The following STK10 variants were observed in gnomAD, a reference collection of about 807,000 sequenced individuals.
STK10 encodes serine/threonine kinase 10.
STK10 carries 78 observed loss-of-function variants against 113.8 expected under a neutral mutation model. The observed-to-expected ratio is 0.69, with a 90% CI of 0.57 to 0.83. STK10 has a LOEUF of 0.83. Ranked by LOEUF, STK10 falls within the 40% of genes least tolerant of loss-of-function variation. STK10 has a pLI of 0.00. For synonymous variants in STK10, 465 were observed against 494.7 expected, an observed-to-expected ratio of 0.94 and a Z score of 0.80; for missense variants, 1,109 against 1,280.1, an observed-to-expected ratio of 0.87 and a Z score of 2.04.
chr5:172,177,690 T>C (rs1293516581), intron 1 of STK10, among the ~76,000 whole-genome samples: 2 of 152,246 alleles, frequency 1.3e-5, no homozygotes, highest in Non-Finnish European at 2.9e-5. Flanking sequence ...AAATATACCA[T>C]TAAAATTCAT....
chr5:172,112,166 T>C (rs1382413891), intron 4 of STK10, among the ~76,000 whole-genome samples: 1 of 152,210 alleles, frequency 6.6e-6, no homozygotes. Context: ...TTAATACATG[T>C]CCCAAACATG....
intron 2 of STK10, among the ~76,000 whole-genome samples, chr5:172,137,785 C>T (rs1007951120): frequency 4.1e-5 from 6 of 145,848 alleles, no homozygotes; most frequent in East Asian, 2.1e-4. Context: ...CCCAGCTACT[C>T]GGGAGGCTGA....
At chr5:172,181,650 G>C (rs779934506) in intron 1 of STK10, among the ~76,000 whole-genome samples, 2 of 150,512 alleles carry the variant, frequency 1.3e-5, no homozygotes, top group Non-Finnish European at 3.0e-5. Flanking sequence ...TGCCAGGCTA[G>C]TTTTTGTATT....
intron 10 of STK10, among the ~76,000 whole-genome samples, chr5:172,083,804 AG>A (rs1473002637): frequency 9.2e-5 from 14 of 151,846 alleles, no homozygotes; most frequent in African/African-American, 3.4e-4. Context: ...GCTACTCAGG[AG>A]GCTGAGGCAG....
chr5:172,141,018 G>A lies in STK10; in HGVS notation c.322-13597C>T, dbSNP rs116397011. 3.0e-3 allele frequency among the ~76,000 whole-genome samples: 455 copies of A among 152,268 alleles called. 3 individuals carry two copies. The highest frequency in any genetic ancestry group is 0.011 in the African/African-American group (438 of 41,568). On this transcript the variant is annotated intron_variant, in intron 2 of 18. Coordinates refer to ENST00000176763, the MANE Select transcript of STK10 (RefSeq NM_005990.4). ...ACATGGAATAAGCCAGTCACGGAAA[G>A]GCAAGTACTGCAGATTCCACTTAAA...
intron 9 of STK10, among the ~76,000 whole-genome samples, chr5:172,091,488 G>A (rs966679952): frequency 2.2e-4 from 34 of 151,128 alleles, no homozygotes; most frequent in Admixed American, 9.2e-4. Flanking sequence ...TAACCCTCCC[G>A]CTCTGCCCAC....
At chr5:172,073,793 CAA>C (rs60492751) in intron 12 of STK10, among the ~76,000 whole-genome samples, 15 of 58,438 alleles carry the variant, frequency 2.6e-4, no homozygotes, top group Non-Finnish European at 3.3e-4. Context: ...CTAAAAATAG[CAA>C]AAAAAAAAAA....
At chr5:172,071,212 CAAAAAAAAAAA>C (rs369407918) in intron 12 of STK10, among the ~76,000 whole-genome samples, 6 of 26,578 alleles carry the variant, frequency 2.3e-4, no homozygotes, top group African/African-American at 3.1e-4. Flanking sequence ...CTCTCTATCT[CAAAAAAAAAAA>C]AAAAAAAAAA....
intron 14 of STK10, 106 bp from the exon 15 acceptor site, chr5:172,057,579 CA>C: frequency 6.8e-7 from 1 of 1,468,968 alleles, no homozygotes; most frequent in Non-Finnish European, 9.1e-7. Context: ...AGATGATAAC[CA>C]ACCTGCTGGG....
At chr5:172,045,582 C>T (rs1159249779) in intron 18 of STK10, 1 of 371,016 alleles carries the variant, frequency 2.7e-6, no homozygotes, top group Non-Finnish European at 5.3e-6. Context: ...GCCTTCTGTA[C>T]TGTACAAACT....
intron 2 of STK10, among the ~76,000 whole-genome samples, chr5:172,137,813 A>G (rs1409406108): frequency 6.6e-6 from 1 of 150,400 alleles, no homozygotes; most frequent in Non-Finnish European, 1.5e-5. Flanking sequence ...GAATGGCATG[A>G]ACCTGGAGGC....
intron 13 of STK10, chr5:172,064,393 G>A (rs995756296): frequency 3.0e-5 from 10 of 336,704 alleles, no homozygotes; most frequent in African/African-American, 2.1e-4. Flanking sequence ...AGTGGGCAGG[G>A]GAATATACTG....
chr5:172,093,462 G>A lies in STK10; in HGVS notation c.1504C>T (p.Leu502Phe), dbSNP rs745894502. Residue 502 changes from leucine (L) to phenylalanine (F), a missense_variant, in exon 9 of 19, where the codon CTC becomes TTC. By Grantham distance (22) the Leu-to-Phe change is conservative (BLOSUM62 0). This residue lies in a region of STK10 where 885 missense variants were observed against 991.1 expected (regional missense o/e 0.89). Coordinates refer to ENST00000176763, the MANE Select transcript of STK10 (RefSeq NM_005990.4). The surrounding 1 kb of genome is among the most constrained non-coding windows in gnomAD (Gnocchi z 4.1). ...TTGTTCAGCGACAGGTCAGTGGAGA[G>A]ATTGGTACCATAGTCCATGCTCTCA... Reference protein sequence around the residue: ...TSESMDYGTNLSTDLSLNKEM... With the variant: ...TSESMDYGTNFSTDLSLNKEM... The A allele has an allele frequency of 2.1e-5, 34 of 1,613,884 alleles. No homozygotes were observed. The highest frequency in any genetic ancestry group is 2.6e-5 in the Non-Finnish European group (31 of 1,179,886).
intron 12 of STK10, among the ~76,000 whole-genome samples, chr5:172,073,860 G>A (rs186569626): frequency 1.1e-3 from 170 of 150,818 alleles, no homozygotes; most frequent in Non-Finnish European, 2.3e-3. Context: ...AGCTACCTGG[G>A]AGGCTGAGGC....
chr5:172,044,654 T>G lies in STK10; in HGVS notation c.*228A>C. ...ATCTGGGGCTCAAGGAGAATATACATTAGGTTCAGGTGACAAATAATTACA... is the reference window on the plus strand; with the variant it reads ...ATCTGGGGCTCAAGGAGAATATACAGTAGGTTCAGGTGACAAATAATTACA... On this transcript the variant is annotated 3_prime_UTR_variant, in exon 19 of 19. Transcript: ENST00000176763. This position sits in a 1 kb window ranked among gnomAD's most constrained non-coding sequence, Gnocchi z 4.5. 2 of 622,852 alleles carry G rather than the reference T, an allele frequency of 3.2e-6. No individual in the cohort carries two copies. The highest frequency in any genetic ancestry group is 5.5e-6 in the Non-Finnish European group (2 of 361,678). 38.6% of individuals were successfully genotyped at this position (622,852 alleles called of 1,614,324 possible).
rs892175469 is a variant in STK10, at chr5:172,096,830, C to T, written c.871-270G>A. ...AGGCTCCTCATCTCTCAAGTGGACA[C>T]GTTAACAATGAACCCACAGGGAGGT... On this transcript the variant is annotated intron_variant, in intron 7 of 18. Coordinates refer to ENST00000176763, the MANE Select transcript of STK10 (RefSeq NM_005990.4). Among the ~76,000 whole-genome samples the T allele has an allele frequency of 5.9e-5, 9 of 152,278 alleles. No homozygotes were observed. The South Asian group carries it at 8.3e-4, about 14-fold the overall frequency.
In STK10 at chr5:172,093,506, C is replaced by T. The variant is rs772924447; in HGVS notation, c.1460G>A (p.Cys487Tyr). 6.2e-7 allele frequency: 1 copy of T among 1,614,122 alleles called. No homozygotes were observed. Among genetic ancestry groups the T allele is most frequent in the Admixed American group, 1.7e-5 (1 of 60,016 alleles). The change falls in exon 9 of 19, where the codon TGC becomes TAC. Residue 487 changes from cysteine (C) to tyrosine (Y), a missense_variant. Physicochemically the swap from Cys to Tyr is radical, Grantham distance 194. Coordinates refer to ENST00000176763, the MANE Select transcript of STK10 (RefSeq NM_005990.4). This position sits in a 1 kb window ranked among gnomAD's most constrained non-coding sequence, Gnocchi z 4.1. ...GCTCTCAGAGGTGCAGAGGCTGCTG[C>T]AGTCCGAGTCCCTCTTGGAAGGCCC... ...APGPSKRDSD[C>Y]SSLCTSESMD...
chr5:172,065,147 A>C (rs1035255620), intron 12 of STK10, among the ~76,000 whole-genome samples: 1 of 152,238 alleles, frequency 6.6e-6, no homozygotes, highest in African/African-American at 2.4e-5. Flanking sequence ...CAGTCCCTAC[A>C]GAAGTTCTTT....
In STK10 at chr5:172,188,109, G is replaced by A. The variant is rs979175584; in HGVS notation, c.-67C>T. 1 of 1,555,322 alleles carries A rather than the reference G, an allele frequency of 6.4e-7. No individual in the cohort carries two copies. Among genetic ancestry groups the A allele is most frequent in the Non-Finnish European group, 8.7e-7 (1 of 1,151,258 alleles). On this transcript the variant is annotated 5_prime_UTR_variant, in exon 1 of 19. Transcript: ENST00000176763. The surrounding 1 kb of genome is among the most constrained non-coding windows in gnomAD (Gnocchi z 5.6). ...CTCGGGCTGTGGCTTCGGCGGCCGC[G>A]AGGAGAAGGAGGAGGAGTTGGAGGA... is the stretch of plus-strand genomic sequence containing the variant.
Sources: gnomAD v4.1 joint callset for allele counts (sites outside exome capture counted in the v4.1 genomes callset) on GRCh38, gnomAD v4.1.1 for gene constraint, gnomAD v4.1.1 regional missense constraint, Gnocchi (gnomAD v3.1) non-coding constraint, MANE v1.5 for transcripts, NCBI Gene and HGNC (gene_info 2026-07-23, HGNC 2026-07-21) for gene names.